The following SLC16A1 variants were observed in gnomAD, a reference collection of about 807,000 sequenced individuals.
SLC16A1 encodes monocarboxylate transporter 1.
SLC16A1 carries 11 observed loss-of-function variants against 32.2 expected under a neutral mutation model. That is an observed-to-expected ratio of 0.34 (90% CI 0.21 to 0.56). The LOEUF (loss-of-function observed/expected upper bound fraction) is 0.56. Ranked by LOEUF, SLC16A1 falls within the 20% of genes least tolerant of loss-of-function variation. The pLI is 0.87. For synonymous variants in SLC16A1, 231 were observed against 226.8 expected (o/e 1.02, Z -0.17); for missense variants, 435 against 615.0 (o/e 0.71, Z 3.10).
At chr1:112,927,119 C>CAAA (rs761951516) in intron 2 of SLC16A1, among the ~76,000 whole-genome samples, 41 of 57,592 alleles carry the variant, frequency 7.1e-4, no homozygotes, top group African/African-American at 2.1e-3. Context: ...GACCCTGTGT[C>CAAA]AAAAAAAAAA....
At chr1:112,928,780 A>T (rs188889326) in intron 2 of SLC16A1, among the ~76,000 whole-genome samples, 72 of 152,278 alleles carry the variant, frequency 4.7e-4, no homozygotes, top group African/African-American at 1.6e-3. Flanking sequence ...TCCAGCAGAG[A>T]TCAACAAAAA....
intron 2 of SLC16A1, 82 bp downstream of exon 2, chr1:112,929,007 CTTT>C (rs10627911): frequency 1.6e-5 from 13 of 807,540 alleles, no homozygotes; most frequent in Non-Finnish European, 1.9e-5. Context: ...CTGAATAAGA[CTTT>C]TTTTTTTTTT....
At chr1:112,930,239 C>T (rs1015045619) in intron 1 of SLC16A1, among the ~76,000 whole-genome samples, 3 of 152,054 alleles carry the variant, frequency 2.0e-5, no homozygotes, top group African/African-American at 4.8e-5. Flanking sequence ...CCTTAACCTG[C>T]GATCTAACTC....
rs776450798 is a variant in SLC16A1, at chr1:112,922,088, A to C, written c.263T>G (p.Val88Gly). The C allele has an allele frequency of 2.5e-6, 4 of 1,614,194 alleles. No homozygotes were observed. Among genetic ancestry groups the C allele is most frequent in the Non-Finnish European group, 3.4e-6 (4 of 1,180,032 alleles). ...ILVNKYGSRI[V>G]MIVGGCLSGC... ...TGACAAGCAGCCACCAACAATCATG[A>C]CTATACGACTTCCATATTTATTCAC... is the stretch of plus-strand genomic sequence containing the variant. Residue 88 changes from valine (V) to glycine (G), a missense_variant, in exon 3 of 5, where the codon GTC becomes GGC. Val to Gly is a moderately radical substitution (Grantham distance 109, BLOSUM62 -3). Transcript: ENST00000369626.
chr1:112,919,005 A>AATTTATTTT (rs2101623068), intron 3 of SLC16A1, among the ~76,000 whole-genome samples: 2 of 96,022 alleles, frequency 2.1e-5, no homozygotes, highest in Middle Eastern at 5.7e-3. Context: ...TGAATGTACT[A>AATTTATTTT]ATTTATTTTA....
At chr1:112,955,031 C>A (rs936252300) in intron 1 of SLC16A1, among the ~76,000 whole-genome samples, 2 of 151,902 alleles carry the variant, frequency 1.3e-5, no homozygotes, top group Non-Finnish European at 2.9e-5. Flanking sequence ...TAGTAAGTTA[C>A]AGTAAATAAA....
chr1:112,951,513 CCT>C (rs1317398953), intron 1 of SLC16A1, among the ~76,000 whole-genome samples: 2 of 152,068 alleles, frequency 1.3e-5, no homozygotes, highest in African/African-American at 4.8e-5. Flanking sequence ...GTGTTCAACC[CCT>C]GTCCTTGAGG....
At chr1:112,937,441 A>G (rs1395826801) in intron 1 of SLC16A1, among the ~76,000 whole-genome samples, 1 of 152,136 alleles carries the variant, frequency 6.6e-6, no homozygotes, top group African/African-American at 2.4e-5. Context: ...AAAACAGAAC[A>G]CTTCAAAAAA....
At chr1:112,944,448 C>T (rs1245810948) in intron 1 of SLC16A1, among the ~76,000 whole-genome samples, 11 of 152,110 alleles carry the variant, frequency 7.2e-5, no homozygotes, top group Admixed American at 2.0e-4. Context: ...TCTCAAAAAA[C>T]GAAAAACAAA....
At chr1:112,925,912 G>A (rs527978290) in intron 2 of SLC16A1, among the ~76,000 whole-genome samples, 7 of 146,162 alleles carry the variant, frequency 4.8e-5, no homozygotes, top group African/African-American at 1.2e-4. Flanking sequence ...TCAGAGTTGC[G>A]GTACAGTATA....
At chr1:112,924,437 G>A in intron 2 of SLC16A1, 1 of 895,072 alleles carries the variant, frequency 1.1e-6, no homozygotes, top group African/African-American at 1.7e-5. Context: ...TAAATTCTTA[G>A]GGATGGAAGT....
At chr1:112,942,881 G>T (rs776489907) in intron 1 of SLC16A1, among the ~76,000 whole-genome samples, 7 of 152,184 alleles carry the variant, frequency 4.6e-5, no homozygotes, top group Non-Finnish European at 1.0e-4. Context: ...CTGATGAAGT[G>T]AACATATTTG....
Position 112,917,866 on chromosome 1 carries a change from A to G in SLC16A1, c.540T>C (p.Ile180=), listed in dbSNP as rs775755027. ...GIFGWRGSFL[I]LGGLLLNCCV... ...AGCAGTTTAGTAGCAAGCCCCCAAG[A>G]ATTAGAAAGCTTCCTCTCCATCCAA... The change falls in exon 4 of 5, where the codon ATT becomes ATC. Residue 180 remains isoleucine, a synonymous_variant. Coordinates refer to ENST00000369626, the MANE Select transcript of SLC16A1 (RefSeq NM_003051.4). The surrounding 1 kb of genome is among the most constrained non-coding windows in gnomAD (Gnocchi z 4.1). 10 of 1,612,056 alleles carry G rather than the reference A, an allele frequency of 6.2e-6. No homozygotes were observed. The highest frequency in any genetic ancestry group is 5.1e-6 in the Non-Finnish European group (6 of 1,179,180).
chr1:112,933,115 G>T (rs1393869554), intron 1 of SLC16A1, among the ~76,000 whole-genome samples: 1 of 152,016 alleles, frequency 6.6e-6, no homozygotes, highest in Non-Finnish European at 1.5e-5. Context: ...TATCCTCTCG[G>T]ACTGAAAGAC....
intron 1 of SLC16A1, among the ~76,000 whole-genome samples, chr1:112,937,989 T>C (rs1471202184): frequency 2.0e-5 from 3 of 152,130 alleles, no homozygotes; most frequent in Non-Finnish European, 4.4e-5. Flanking sequence ...TAAACTAATC[T>C]GGAAAGCCGA....
intron 3 of SLC16A1, among the ~76,000 whole-genome samples, chr1:112,919,428 T>C (rs1208788599): frequency 6.6e-6 from 1 of 152,162 alleles, no homozygotes; most frequent in African/African-American, 2.4e-5. Flanking sequence ...ACAGAACAAA[T>C]ACAGAGCTAC....
chr1:112,923,744 C>T, intron 2 of SLC16A1: 13 of 1,528,076 alleles, frequency 8.5e-6, no homozygotes, highest in South Asian at 1.1e-5. Context: ...ACCAGCTGCA[C>T]CAGGAGGGCA....
At chr1:112,945,578 G>C (rs1649671182) in intron 1 of SLC16A1, among the ~76,000 whole-genome samples, 1 of 151,764 alleles carries the variant, frequency 6.6e-6, no homozygotes, top group Admixed American at 6.6e-5. Context: ...GGGAGGCTGA[G>C]GCAGGAGAAT....
chr1:112,918,405 G>A (rs1017987999), intron 3 of SLC16A1, among the ~76,000 whole-genome samples: 2 of 152,110 alleles, frequency 1.3e-5, no homozygotes, highest in African/African-American at 4.8e-5. Flanking sequence ...ATTATTTGAA[G>A]GTGAATAACT....
Sources: gnomAD v4.1 joint callset for allele counts (sites outside exome capture counted in the v4.1 genomes callset) on GRCh38, gnomAD v4.1.1 for gene constraint, Gnocchi (gnomAD v3.1) non-coding constraint, MANE v1.5 for transcripts, NCBI Gene and HGNC (gene_info 2026-07-23, HGNC 2026-07-21) for gene names.